Variants in UNC5C observed in about 807,000 individuals in gnomAD.
UNC5C encodes the protein unc-5 netrin receptor C, also known as netrin receptor UNC5C.
A neutral mutation model predicts 99.8 loss-of-function variants in UNC5C; 47 were observed. The ratio of observed to expected loss-of-function variants is 0.47; its 90% CI spans 0.37 to 0.60. The LOEUF (loss-of-function observed/expected upper bound fraction) is 0.60. Ranked by LOEUF, UNC5C falls within the 20% of genes least tolerant of loss-of-function variation. UNC5C has a pLI of 0.00. For synonymous variants in UNC5C, 487 were observed against 452.2 expected (o/e 1.08, Z -0.98); for missense variants, 1,062 against 1,165.9 (o/e 0.91, Z 1.30).
intron 1 of UNC5C, among the ~76,000 whole-genome samples, chr4:95,366,247 T>C (rs1744566207): frequency 6.6e-6 from 1 of 152,218 alleles, no homozygotes; most frequent in Admixed American, 6.5e-5. Flanking sequence ...GAGAATCACT[T>C]TAGCCCAGCA....
At chr4:95,483,082 A>T (rs1437393022) in intron 1 of UNC5C, among the ~76,000 whole-genome samples, 4 of 150,438 alleles carry the variant, frequency 2.7e-5, no homozygotes, top group Admixed American at 6.6e-5. Context: ...GTACCAGCCC[A>T]TGACTACCTT....
intron 12 of UNC5C, among the ~76,000 whole-genome samples, chr4:95,190,204 G>A (rs1737015783): frequency 1.3e-5 from 2 of 152,196 alleles, no homozygotes; most frequent in African/African-American, 4.8e-5. Context: ...CATGGATGAA[G>A]CTGGAAACCA....
At chr4:95,421,396 A>C (rs1161190819) in intron 1 of UNC5C, among the ~76,000 whole-genome samples, 1 of 152,180 alleles carries the variant, frequency 6.6e-6, no homozygotes, top group African/African-American at 2.4e-5. Context: ...TCTATTTTTC[A>C]ACAAAATTGG....
chr4:95,378,385 G>A, intron 1 of UNC5C, among the ~76,000 whole-genome samples: 1 of 114,214 alleles, frequency 8.8e-6, no homozygotes, highest in South Asian at 2.5e-4. Flanking sequence ...AAGTACTGAA[G>A]AAAGCCTACG....
intron 1 of UNC5C, among the ~76,000 whole-genome samples, chr4:95,389,953 C>T (rs1041134020): frequency 5.3e-5 from 8 of 151,812 alleles, no homozygotes; most frequent in African/African-American, 1.7e-4. Context: ...TATGTAGTGC[C>T]CATTATGGTT....
At chr4:95,170,078 A>T in intron 15 of UNC5C, 76 bp downstream of exon 15, 1 of 1,522,488 alleles carries the variant, frequency 6.6e-7, no homozygotes, top group East Asian at 2.3e-5. Flanking sequence ...AATGAAGCTA[A>T]CCCTACGTCT....
rs1390657272 is a variant in UNC5C at position 95,335,669 on chromosome 4, T to C, written c.125-38A>G. The C allele has an allele frequency of 5.3e-6, 8 of 1,509,552 alleles. No individual in the cohort carries two copies. The Admixed American group carries it at 1.2e-4, about 23-fold the overall frequency. 93.5% of individuals were successfully genotyped at this position (1,509,552 alleles called of 1,614,324 possible). A position where few individuals can be genotyped will look rare whatever the true frequency, so the allele number is the denominator to read the frequency against. On this transcript the variant is annotated intron_variant, in intron 1 of 15. Coordinates refer to ENST00000453304, the MANE Select transcript of UNC5C (RefSeq NM_003728.4). ...AAGAAAGTGGAAGATGGTTAACACA[T>C]TGTAACAACTTGCCTTCTACTTGCT...
intron 15 of UNC5C, 64 bp from the exon 16 acceptor site, chr4:95,169,463 A>G: frequency 6.4e-7 from 1 of 1,561,070 alleles, no homozygotes; most frequent in Non-Finnish European, 8.7e-7. Flanking sequence ...TTCCTCAGCT[A>G]AACCTTTCTG....
chr4:95,413,044 A>G (rs762248494), intron 1 of UNC5C, among the ~76,000 whole-genome samples: 6 of 152,172 alleles, frequency 3.9e-5, no homozygotes, highest in South Asian at 2.1e-4. Flanking sequence ...GGTACAAAAC[A>G]TATTGGTAAG....
intron 1 of UNC5C, among the ~76,000 whole-genome samples, chr4:95,528,457 C>A (rs1050759791): frequency 6.6e-6 from 1 of 152,128 alleles, no homozygotes; most frequent in Non-Finnish European, 1.5e-5. Context: ...TTGTAAACAT[C>A]AGAGGACCAA....
chr4:95,335,692 G>T, intron 1 of UNC5C, 61 bp from the exon 2 acceptor site: 1 of 1,342,096 alleles, frequency 7.5e-7, no homozygotes, highest in Non-Finnish European at 1.0e-6. Context: ...CCTTCTACTT[G>T]CTAGTCATGT....
At chr4:95,535,434 C>T (rs1051384946) in intron 1 of UNC5C, among the ~76,000 whole-genome samples, 2 of 152,104 alleles carry the variant, frequency 1.3e-5, no homozygotes, top group Non-Finnish European at 2.9e-5. Context: ...CATAGACTTA[C>T]ATGATAAGAA....
rs138377646 is a variant in UNC5C at position 95,409,904 on chromosome 4, G to C, written c.125-74273C>G. ...TTGTATGCCTCTATGTGCGCCTAGGGCTGGCCTGACATCAATGAGGGGCTT... is the reference window on the plus strand; with the variant it reads ...TTGTATGCCTCTATGTGCGCCTAGGCCTGGCCTGACATCAATGAGGGGCTT... On this transcript the variant is annotated intron_variant, in intron 1 of 15. Coordinates refer to ENST00000453304, the MANE Select transcript of UNC5C (RefSeq NM_003728.4). Among the ~76,000 whole-genome samples, 853 of 152,242 alleles carry C rather than the reference G, an allele frequency of 5.6e-3. 11 individuals carry two copies. Among genetic ancestry groups the C allele is most frequent in the African/African-American group, 0.019 (786 of 41,542 alleles).
In UNC5C at chr4:95,219,316, G is replaced by A. The variant is rs768675852; in HGVS notation, c.1301-3C>T. On this transcript the variant is annotated splice_region_variant and splice_polypyrimidine_tract_variant and intron_variant, in intron 8 of 15. Transcript: ENST00000453304. The stretch of plus-strand genomic sequence containing the variant: ...GTCTGGGGGTACAGCCAGCAGATCT[G>A]AGTCAGAAAGAGAAAATAATCCCAT... The A allele has an allele frequency of 6.2e-7, 1 of 1,609,644 alleles. No individual in the cohort carries two copies. The highest frequency in any genetic ancestry group is 8.5e-7 in the Non-Finnish European group (1 of 1,177,302).
At chr4:95,242,762 T>C (rs994764092) in intron 6 of UNC5C, among the ~76,000 whole-genome samples, 169 bp from the exon 7 acceptor site, 4 of 152,308 alleles carry the variant, frequency 2.6e-5, no homozygotes, top group Non-Finnish European at 5.9e-5. Context: ...ATCATTTGGG[T>C]TTGGTGAGCT....
chr4:95,277,462 C>A (rs531630420), intron 4 of UNC5C, among the ~76,000 whole-genome samples: 2 of 152,252 alleles, frequency 1.3e-5, no homozygotes, highest in South Asian at 2.1e-4. Flanking sequence ...TAAAGGGTAA[C>A]CTGTTTTTAG....
At chr4:95,261,708 CT>C (rs11426859) in intron 4 of UNC5C, among the ~76,000 whole-genome samples, 151 of 145,656 alleles carry the variant, frequency 1.0e-3, no homozygotes, top group Non-Finnish European at 1.0e-3. Context: ...ATATGAATTC[CT>C]TTTTTTTTTT....
chr4:95,235,343 T>A (rs1450425704), intron 7 of UNC5C, among the ~76,000 whole-genome samples: 1 of 152,210 alleles, frequency 6.6e-6, no homozygotes, highest in East Asian at 1.9e-4. Context: ...TGTTTTTTTC[T>A]TGTAAATTTG....
At chr4:95,543,004 C>T (rs1722955761) in intron 1 of UNC5C, among the ~76,000 whole-genome samples, 2 of 152,140 alleles carry the variant, frequency 1.3e-5, no homozygotes, top group Middle Eastern at 3.4e-3. Flanking sequence ...TCGCTCAAGG[C>T]AAACTTACTC....
Sources: allele counts gnomAD v4.1 joint callset (sites outside exome capture counted in the v4.1 genomes callset), GRCh38; gene constraint gnomAD v4.1.1; transcripts MANE v1.5; gene names NCBI Gene and HGNC (gene_info 2026-07-23, HGNC 2026-07-21).